INTS9: variants seen among roughly 807,000 people sequenced by gnomAD.
INTS9 encodes the protein integrator complex subunit 9.
INTS9 carries 55 observed loss-of-function variants against 79.7 expected under a neutral mutation model. The observed-to-expected ratio is 0.69, with a 90% CI of 0.56 to 0.86. The LOEUF is 0.86. Among genes scored for constraint, INTS9 ranks in the 40% least tolerant of loss-of-function variants. The probability of loss-of-function intolerance (pLI) is 0.00; values close to 1 mark genes in which losing one functional copy is unlikely to be tolerated. For synonymous variants in INTS9, 319 were observed against 325.2 expected, an observed-to-expected ratio of 0.98 and a Z score of 0.20; for missense variants, 721 against 831.5, an observed-to-expected ratio of 0.87 and a Z score of 1.64.
intron 1 of INTS9, among the ~76,000 whole-genome samples, chr8:28,873,067 T>G (rs1809183507): frequency 6.6e-6 from 1 of 152,130 alleles, no homozygotes; most frequent in Admixed American, 6.5e-5. Flanking sequence ...GTAACAGTTA[T>G]TTTTATTTTG....
intron 8 of INTS9, among the ~76,000 whole-genome samples, chr8:28,797,865 A>G (rs1021266469): frequency 6.6e-6 from 1 of 152,222 alleles, no homozygotes; most frequent in East Asian, 1.9e-4. Context: ...AGTAAATAAA[A>G]TTCCAAATAA....
chr8:28,820,591 T>A (rs373678248), intron 6 of INTS9, among the ~76,000 whole-genome samples: 96 of 152,306 alleles, frequency 6.3e-4, no homozygotes, highest in African/African-American at 1.9e-3. Flanking sequence ...TGAACTTTGG[T>A]GAATCTGACA....
At chr8:28,835,539 T>C (rs1230702294) in intron 5 of INTS9, among the ~76,000 whole-genome samples, 161 bp from the exon 6 acceptor site, 3 of 152,244 alleles carry the variant, frequency 2.0e-5, no homozygotes, top group African/African-American at 7.2e-5. Context: ...CCATTTGATA[T>C]AAAGTTAAAC....
chr8:28,788,406 CT>C (rs1803737350), intron 10 of INTS9, among the ~76,000 whole-genome samples: 1 of 152,182 alleles, frequency 6.6e-6, no homozygotes, highest in Middle Eastern at 3.2e-3. Context: ...TGAGACATGG[CT>C]TCTGTTTTTG....
intron 6 of INTS9, among the ~76,000 whole-genome samples, chr8:28,814,494 C>T (rs1355807361): frequency 6.6e-6 from 1 of 152,066 alleles, no homozygotes; most frequent in Non-Finnish European, 1.5e-5. Flanking sequence ...AATATGGCAA[C>T]TGAAAACAAC....
chr8:28,855,367 T>G (rs558007108), intron 2 of INTS9, among the ~76,000 whole-genome samples: 1 of 152,334 alleles, frequency 6.6e-6, no homozygotes, highest in South Asian at 2.1e-4. Context: ...CTGAAAGGTT[T>G]TAAACAAGTA....
At chr8:28,854,629 G>A (rs968456887) in intron 2 of INTS9, among the ~76,000 whole-genome samples, 11 of 152,164 alleles carry the variant, frequency 7.2e-5, no homozygotes, top group African/African-American at 2.2e-4. Flanking sequence ...ATGTCAAGAT[G>A]CTGGTGATAG....
At chr8:28,789,739 C>T (rs1227629743) in intron 10 of INTS9, among the ~76,000 whole-genome samples, 1 of 152,096 alleles carries the variant, frequency 6.6e-6, no homozygotes, top group Non-Finnish European at 1.5e-5. Flanking sequence ...ATTAGCTGGG[C>T]ATGATGGTGA....
Position 28,780,883 on chromosome 8 carries a change from C to T in INTS9, c.1210G>A (p.Asp404Asn). The change falls in exon 12 of 17, where the codon GAC becomes AAC. Residue 404 changes from aspartate to asparagine, a missense_variant. Physicochemically the swap from Asp to Asn is conservative, Grantham distance 23 (BLOSUM62 1). Coordinates refer to ENST00000521022, the MANE Select transcript of INTS9 (RefSeq NM_018250.4). The stretch of plus-strand genomic sequence containing the variant: ...CAGAGCTCCATGAAGTGGACCACGT[C>T]CCCGAAGCGGAGGGAAGGGTGCCCG... The part of the protein sequence containing the change: ...FTGHPSLRFG[D>N]VVHFMELWGK... 1 of 1,614,156 alleles carries T rather than the reference C, an allele frequency of 6.2e-7. No individual in the cohort carries two copies.
At chr8:28,775,357 C>T (rs1385209428) in intron 14 of INTS9, among the ~76,000 whole-genome samples, 3 of 152,168 alleles carry the variant, frequency 2.0e-5, no homozygotes, top group African/African-American at 4.8e-5. Context: ...TTCATTCATA[C>T]TTGGAGTCTC....
chr8:28,803,132 G>A (rs967543703), intron 8 of INTS9, among the ~76,000 whole-genome samples: 6 of 151,704 alleles, frequency 4.0e-5, no homozygotes, highest in African/African-American at 1.5e-4. Context: ...AATAAAGTAA[G>A]TAAATAATAA....
intron 3 of INTS9, 137 bp downstream of exon 3, chr8:28,850,076 T>C (rs1362523849): frequency 1.6e-5 from 10 of 627,412 alleles, no homozygotes. Flanking sequence ...CTGAAGACCC[T>C]AGCATAGATC....
Position 28,780,830 on chromosome 8 carries a change from T to C in INTS9, c.1263A>G (p.Ile421Met). ...TTTATTTTTTTCACTTACCCGTGAA[T>C]ATGACGGTATTGAGACTAGATTTTC... ...LWGKSSLNTVIFTEPDFSYLE... is the reference protein window; with the variant it reads ...LWGKSSLNTVMFTEPDFSYLE... Residue 421 changes from isoleucine to methionine, a missense_variant, in exon 12 of 17, where the codon ATA (isoleucine) becomes ATG (methionine). By Grantham distance (10) the Ile-to-Met change is conservative (BLOSUM62 1). This residue lies in a region of INTS9 where 149 missense variants were observed against 223.7 expected (regional missense o/e 0.67). Transcript: ENST00000521022. 1 of 1,614,096 alleles carries C rather than the reference T, an allele frequency of 6.2e-7. No homozygotes were observed. Among genetic ancestry groups the C allele is most frequent in the South Asian group, 1.1e-5 (1 of 91,076 alleles).
intron 8 of INTS9, among the ~76,000 whole-genome samples, chr8:28,807,540 G>A (rs770713918): frequency 2.0e-5 from 3 of 152,136 alleles, no homozygotes; most frequent in Admixed American, 1.3e-4. Context: ...TTGTAATCAA[G>A]CAAGATTTAT....
intron 6 of INTS9, among the ~76,000 whole-genome samples, chr8:28,820,024 T>C (rs949553277): frequency 6.6e-6 from 1 of 152,204 alleles, no homozygotes; most frequent in African/African-American, 2.4e-5. Flanking sequence ...CCTCCATCCT[T>C]TTATTTTGAG....
chr8:28,878,596 A>T (rs1809518882), intron 1 of INTS9, among the ~76,000 whole-genome samples: 1 of 150,152 alleles, frequency 6.7e-6, no homozygotes, highest in Non-Finnish European at 1.5e-5. Flanking sequence ...TGCTGGGATT[A>T]TAGGTGTCAG....
intron 6 of INTS9, among the ~76,000 whole-genome samples, chr8:28,824,772 AAG>A (rs1211245533): frequency 1.3e-5 from 2 of 152,226 alleles, no homozygotes; most frequent in African/African-American, 2.4e-5. Context: ...TAATGGAAAA[AAG>A]AGAATTTACA....
At chr8:28,778,771 T>C (rs74537561) in intron 12 of INTS9, among the ~76,000 whole-genome samples, 2,655 of 152,306 alleles carry the variant, frequency 0.017, 70 homozygotes, top group African/African-American at 0.06. Context: ...CGAGGGACCC[T>C]GGCTTAGGCA....
At chr8:28,774,160 G>T (rs746806042) in intron 14 of INTS9, among the ~76,000 whole-genome samples, 2 of 152,120 alleles carry the variant, frequency 1.3e-5, no homozygotes, top group East Asian at 3.8e-4. Flanking sequence ...TGAAAAAGAC[G>T]ACAGTGTATG....
Sources: allele counts gnomAD v4.1 joint callset (sites outside exome capture counted in the v4.1 genomes callset), GRCh38; gene constraint gnomAD v4.1.1; regional missense constraint gnomAD v4.1.1; transcripts MANE v1.5; gene names NCBI Gene and HGNC (gene_info 2026-07-23, HGNC 2026-07-21).